The following ELMO1 variants were observed in gnomAD, a reference collection of about 807,000 sequenced individuals.
ELMO1 encodes the protein engulfment and cell motility 1.
In ELMO1, 26 loss-of-function variants were observed where a neutral mutation model predicts 98.9. The observed-to-expected ratio is 0.26, with a 90% CI of 0.19 to 0.36. ELMO1 has a LOEUF of 0.36. Ranked by LOEUF, ELMO1 falls within the 10% of genes least tolerant of loss-of-function variation. The probability of loss-of-function intolerance (pLI) is 1.00; values close to 1 mark genes in which losing one functional copy is unlikely to be tolerated. For missense variants in ELMO1, 627 were observed against 935.2 expected, an observed-to-expected ratio of 0.67 and a Z score of 4.30; for synonymous variants, 346 against 346.0, an observed-to-expected ratio of 1.00 and a Z score of 0.00.
intron 13 of ELMO1, among the ~76,000 whole-genome samples, chr7:37,195,818 T>A (rs1427538728): frequency 6.6e-6 from 1 of 152,170 alleles, no homozygotes; most frequent in Non-Finnish European, 1.5e-5. Flanking sequence ...CTAATGCTCA[T>A]AAGTCACAGG....
chr7:37,320,598 T>C (rs1367938735), intron 2 of ELMO1, among the ~76,000 whole-genome samples: 1 of 152,170 alleles, frequency 6.6e-6, no homozygotes. Context: ...TTACTCCCTC[T>C]GTGTACTTAG....
At chr7:37,010,896 A>C (rs1793502140) in intron 16 of ELMO1, among the ~76,000 whole-genome samples, 1 of 152,236 alleles carries the variant, frequency 6.6e-6, no homozygotes, top group African/African-American at 2.4e-5. Context: ...ACACGATGAA[A>C]GTATTTAATG....
At chr7:37,191,647 C>T (rs188146051) in intron 13 of ELMO1, among the ~76,000 whole-genome samples, 129 of 152,224 alleles carry the variant, frequency 8.5e-4, no homozygotes, top group South Asian at 7.9e-3. Flanking sequence ...CGGCCGGGCA[C>T]GGTGGCTCAA....
chr7:37,006,622 C>T (rs1191802474), intron 16 of ELMO1, among the ~76,000 whole-genome samples: 1 of 152,162 alleles, frequency 6.6e-6, no homozygotes, highest in Non-Finnish European at 1.5e-5. Flanking sequence ...ACTCTTTTTA[C>T]ACAGCAGGCA....
chr7:37,269,428 A>G (rs1041399208), intron 5 of ELMO1: 3 of 128,202 alleles, frequency 2.3e-5, no homozygotes, highest in South Asian at 2.4e-4. Flanking sequence ...CTGGGCTCCT[A>G]TCTTTTTTTT....
At chr7:37,398,669 G>T (rs63446461) in intron 1 of ELMO1, among the ~76,000 whole-genome samples, 44,350 of 151,818 alleles carry the variant, frequency 0.29, 6,655 homozygotes, top group South Asian at 0.37. Flanking sequence ...CACGTGTACT[G>T]CTGCTATCGT....
At chr7:37,423,342 G>A (rs1340130963) in intron 1 of ELMO1, among the ~76,000 whole-genome samples, 3 of 152,186 alleles carry the variant, frequency 2.0e-5, no homozygotes, top group South Asian at 2.1e-4. Context: ...CAATTTGGGA[G>A]GCCAAGCTGG....
intron 2 of ELMO1, among the ~76,000 whole-genome samples, chr7:37,336,718 G>A (rs1020643659): frequency 6.6e-6 from 1 of 152,196 alleles, no homozygotes; most frequent in African/African-American, 2.4e-5. Context: ...CCGAGAGGGT[G>A]AGGACAACCA....
At chr7:36,926,639 A>G (rs1190752137) in intron 16 of ELMO1, among the ~76,000 whole-genome samples, 2 of 152,076 alleles carry the variant, frequency 1.3e-5, no homozygotes, top group Admixed American at 1.3e-4. Flanking sequence ...TAGAAAGAAA[A>G]TCCAGCTACT....
intron 5 of ELMO1, among the ~76,000 whole-genome samples, chr7:37,264,019 T>C (rs1584890821): frequency 6.6e-6 from 1 of 152,310 alleles, no homozygotes; most frequent in Non-Finnish European, 1.5e-5. Flanking sequence ...AGTCATGACA[T>C]AGTCATAGGA....
At chr7:37,400,760 C>T (rs963002031) in intron 1 of ELMO1, among the ~76,000 whole-genome samples, 3 of 152,112 alleles carry the variant, frequency 2.0e-5, no homozygotes, top group South Asian at 2.1e-4. Flanking sequence ...CTTATCTCCC[C>T]GCTCCAGACC....
In ELMO1 at chr7:36,984,522, G is replaced by T. The variant is rs146271723; in HGVS notation, c.1437+28777C>A. ...AAAGCTTTCTAGCTCTTCTGTTTCT[G>T]TAACCATTCATCACAGGTCCCATTT... On this transcript the variant is annotated intron_variant, in intron 16 of 21. Transcript: ENST00000310758. 4.5e-3 allele frequency among the ~76,000 whole-genome samples: 683 copies of T among 152,274 alleles called. 12 individuals carry two copies. The highest frequency in any genetic ancestry group is 0.015 in the African/African-American group (629 of 41,536).
At chr7:36,971,928 T>C (rs1789994741) in intron 16 of ELMO1, among the ~76,000 whole-genome samples, 1 of 152,138 alleles carries the variant, frequency 6.6e-6, no homozygotes, top group South Asian at 2.1e-4. Context: ...CTCTAACATT[T>C]GTAAGGTAAT....
intron 16 of ELMO1, among the ~76,000 whole-genome samples, chr7:36,931,507 G>A (rs879259099): frequency 4.6e-5 from 7 of 152,146 alleles, no homozygotes; most frequent in Non-Finnish European, 5.9e-5. Context: ...AGGTTGAGGC[G>A]TGAGAATCTC....
At chr7:37,284,446 A>G (rs1797289619) in intron 4 of ELMO1, among the ~76,000 whole-genome samples, 1 of 152,110 alleles carries the variant, frequency 6.6e-6, no homozygotes, top group South Asian at 2.1e-4. Flanking sequence ...TCAGCAACAC[A>G]CTACTCCCTC....
At chr7:37,160,127 T>C (rs1789101140) in intron 13 of ELMO1, among the ~76,000 whole-genome samples, 1 of 152,226 alleles carries the variant, frequency 6.6e-6, no homozygotes, top group Admixed American at 6.5e-5. Flanking sequence ...AAAATGCAAA[T>C]GCGTGCTTGC....
chr7:37,277,746 T>C (rs1202405760), intron 4 of ELMO1, among the ~76,000 whole-genome samples: 1 of 152,190 alleles, frequency 6.6e-6, no homozygotes, highest in Non-Finnish European at 1.5e-5. Flanking sequence ...GGGCTGAGAA[T>C]AGAAACCATC....
intron 2 of ELMO1, among the ~76,000 whole-genome samples, chr7:37,330,874 A>G (rs958996345): frequency 1.3e-5 from 2 of 152,162 alleles, no homozygotes; most frequent in South Asian, 4.1e-4. Context: ...ATTATTAAGT[A>G]AAATAAGGGC....
At chr7:36,998,794 C>G (rs1032295644) in intron 16 of ELMO1, among the ~76,000 whole-genome samples, 1 of 151,752 alleles carries the variant, frequency 6.6e-6, no homozygotes, top group African/African-American at 2.4e-5. Context: ...TCTTCTTTTG[C>G]TCAGTTATAT....
Sources: allele counts gnomAD v4.1 joint callset (sites outside exome capture counted in the v4.1 genomes callset), GRCh38; gene constraint gnomAD v4.1.1; transcripts MANE v1.5; gene names NCBI Gene and HGNC (gene_info 2026-07-23, HGNC 2026-07-21).